The following FNDC3B variants were observed in gnomAD, a reference collection of about 807,000 sequenced individuals.
FNDC3B encodes fibronectin type III domain containing 3B.
Under a neutral mutation model 151.5 loss-of-function variants are expected in FNDC3B, and 12 were observed. The ratio of observed to expected loss-of-function variants is 0.08; its 90% CI spans 0.05 to 0.13. The LOEUF (loss-of-function observed/expected upper bound fraction) is 0.13, where lower values mean the gene tolerates loss of function less well. Among genes scored for constraint, FNDC3B ranks in the 10% least tolerant of loss-of-function variants. The pLI is 1.00. For synonymous variants in FNDC3B, 528 were observed against 549.0 expected (o/e 0.96, Z 0.54); for missense variants, 1,214 against 1,505.3 (o/e 0.81, Z 3.20).
chr3:172,287,739 T>A (rs563762683), intron 7 of FNDC3B, among the ~76,000 whole-genome samples: 4 of 152,348 alleles, frequency 2.6e-5, no homozygotes, highest in East Asian at 3.9e-4. Flanking sequence ...TCTCTGTTTC[T>A]TGTGGGTGAG....
At chr3:172,229,341 CCT>C (rs2108745090) in intron 4 of FNDC3B, among the ~76,000 whole-genome samples, 1 of 152,288 alleles carries the variant, frequency 6.6e-6, no homozygotes, top group Non-Finnish European at 1.5e-5. Flanking sequence ...ACCCTGCTTA[CCT>C]CTCAAGAGGC....
chr3:172,297,380 A>G (rs906301101), intron 8 of FNDC3B, among the ~76,000 whole-genome samples: 2 of 152,168 alleles, frequency 1.3e-5, no homozygotes, highest in African/African-American at 4.8e-5. Context: ...TATATACTCC[A>G]TATCCAGATT....
At chr3:172,316,571 G>C (rs973922347) in intron 11 of FNDC3B, 28 of 381,440 alleles carry the variant, frequency 7.3e-5, no homozygotes, top group African/African-American at 5.3e-4. Flanking sequence ...TTTTATTTTA[G>C]AAAAAATTAG....
At chr3:172,199,304 C>T (rs1432162078) in intron 3 of FNDC3B, among the ~76,000 whole-genome samples, 1 of 151,826 alleles carries the variant, frequency 6.6e-6, no homozygotes, top group South Asian at 2.1e-4. Context: ...CTCAGCCTCC[C>T]GAGTAGCTGG....
chr3:172,335,115 T>C (rs758510504), intron 15 of FNDC3B, 33 bp downstream of exon 15: 11 of 1,519,968 alleles, frequency 7.2e-6, no homozygotes, highest in Non-Finnish European at 8.8e-6. Context: ...CTGTTTTTTT[T>C]TTTTTTTTCT....
rs553536177 is a variant in FNDC3B at position 172,274,079 on chromosome 3, G to A, written c.791-11847G>A. ...CATCCTGAGTGTTCCATTTCTATACGTGCGGGAGAAGAGGACATATTACCG... is the reference window on the plus strand; with the variant it reads ...CATCCTGAGTGTTCCATTTCTATACATGCGGGAGAAGAGGACATATTACCG... On this transcript the variant is annotated intron_variant, in intron 6 of 25. Transcript: ENST00000415807. Among the ~76,000 whole-genome samples the A allele has an allele frequency of 6.6e-5, 10 of 152,214 alleles. 1 individual carries two copies. Among genetic ancestry groups the A allele is most frequent in the Admixed American group, 4.6e-4 (7 of 15,290 alleles).
chr3:172,359,211 T>A (rs1734254217), intron 22 of FNDC3B, among the ~76,000 whole-genome samples: 1 of 152,336 alleles, frequency 6.6e-6, no homozygotes, highest in African/African-American at 2.4e-5. Flanking sequence ...ATCTTGATAC[T>A]TGTATCTTCT....
chr3:172,281,253 A>ATTTATTTG (rs1360513629), intron 6 of FNDC3B, among the ~76,000 whole-genome samples: 4 of 132,290 alleles, frequency 3.0e-5, no homozygotes, highest in Admixed American at 2.9e-4. Flanking sequence ...TTATTTATTT[A>ATTTATTTG]TTTATATTTT....
intron 3 of FNDC3B, among the ~76,000 whole-genome samples, chr3:172,220,642 C>T (rs112978192): frequency 3.4e-4 from 51 of 152,002 alleles, no homozygotes; most frequent in African/African-American, 1.2e-3. Context: ...TTTTTTTAAG[C>T]TTCTATAAGT....
intron 1 of FNDC3B, among the ~76,000 whole-genome samples, chr3:172,074,389 G>A (rs1321002053): frequency 2.0e-5 from 3 of 152,202 alleles, no homozygotes; most frequent in Non-Finnish European, 4.4e-5. Flanking sequence ...CATGTATCAA[G>A]GACTTAGAAT....
intron 11 of FNDC3B, among the ~76,000 whole-genome samples, chr3:172,327,318 T>C (rs759954973): frequency 3.3e-5 from 5 of 152,122 alleles, no homozygotes; most frequent in Non-Finnish European, 5.9e-5. Context: ...CTCCCTTCCA[T>C]TGGGAAAGGT....
chr3:172,211,740 G>A (rs9868872), intron 3 of FNDC3B, among the ~76,000 whole-genome samples: 135,448 of 152,240 alleles, frequency 0.89, 60,533 homozygotes, highest in African/African-American at 0.95. Context: ...CCCTTTACCA[G>A]TTAGGATTAT....
chr3:172,386,899 G>A (rs1281010646), intron 25 of FNDC3B, among the ~76,000 whole-genome samples: 2 of 152,016 alleles, frequency 1.3e-5, no homozygotes, highest in Non-Finnish European at 2.9e-5. Context: ...ATTCTACATG[G>A]TATCACAAAG....
At chr3:172,259,328 A>G (rs1728524004) in intron 6 of FNDC3B, among the ~76,000 whole-genome samples, 1 of 152,324 alleles carries the variant, frequency 6.6e-6, no homozygotes, top group Middle Eastern at 3.4e-3. Flanking sequence ...AAACTGGACA[A>G]TTAACATCGC....
At chr3:172,102,612 A>G (rs35653240) in intron 1 of FNDC3B, among the ~76,000 whole-genome samples, 3,178 of 152,308 alleles carry the variant, frequency 0.021, 51 homozygotes, top group Non-Finnish European at 0.031. Context: ...TTACATAGGA[A>G]AACCTTGAAC....
At chr3:172,348,091 G>A (rs1262131819) in intron 21 of FNDC3B, among the ~76,000 whole-genome samples, 2 of 152,158 alleles carry the variant, frequency 1.3e-5, no homozygotes, top group African/African-American at 4.8e-5. Flanking sequence ...CTTTGTACCA[G>A]GATCAAAGGA....
chr3:172,264,920 A>T (rs541273689), intron 6 of FNDC3B, among the ~76,000 whole-genome samples: 17 of 152,310 alleles, frequency 1.1e-4, no homozygotes, highest in Non-Finnish European at 2.2e-4. Context: ...TGTCCTTGTC[A>T]TCTTATTTCC....
At chr3:172,062,105 A>G (rs1282113017) in intron 1 of FNDC3B, among the ~76,000 whole-genome samples, 1 of 152,164 alleles carries the variant, frequency 6.6e-6, no homozygotes, top group African/African-American at 2.4e-5. Context: ...TATACATGCA[A>G]TAAAGGACAT....
At chr3:172,183,312 C>T (rs1490874514) in intron 3 of FNDC3B, among the ~76,000 whole-genome samples, 2 of 152,050 alleles carry the variant, frequency 1.3e-5, no homozygotes, top group African/African-American at 4.8e-5. Context: ...TTATATTTAC[C>T]ATGTACTAAA....
Sources: allele counts gnomAD v4.1 joint callset (sites outside exome capture counted in the v4.1 genomes callset), GRCh38; gene constraint gnomAD v4.1.1; transcripts MANE v1.5; gene names NCBI Gene and HGNC (gene_info 2026-07-23, HGNC 2026-07-21).